SH3PXD2A: variants seen among roughly 807,000 people sequenced by gnomAD.
SH3PXD2A encodes the protein SH3 and PX domain-containing protein 2A.
Under a neutral mutation model 115.2 loss-of-function variants are expected in SH3PXD2A, and 32 were observed. The observed-to-expected ratio is 0.28, with a 90% CI of 0.21 to 0.37. The LOEUF (loss-of-function observed/expected upper bound fraction) is 0.37, where lower values mean the gene tolerates loss of function less well. SH3PXD2A is among the 10% of genes least tolerant of loss of function. The probability of loss-of-function intolerance (pLI) is 1.00; values close to 1 mark genes in which losing one functional copy is unlikely to be tolerated. For missense variants in SH3PXD2A, 1,328 were observed against 1,498.7 expected (o/e 0.89, Z 1.88); for synonymous variants, 610 against 629.1 (o/e 0.97, Z 0.45).
chr10:103,838,082 C>T (rs1442673342), intron 1 of SH3PXD2A, among the ~76,000 whole-genome samples: 1 of 152,200 alleles, frequency 6.6e-6, no homozygotes, highest in African/African-American at 2.4e-5. Flanking sequence ...GGACTCCTCA[C>T]AGAACTCAGC....
chr10:103,763,166 G>C (rs2038718396), intron 3 of SH3PXD2A, among the ~76,000 whole-genome samples: 1 of 152,156 alleles, frequency 6.6e-6, no homozygotes, highest in South Asian at 2.1e-4. Flanking sequence ...GGGCAAGCAT[G>C]TAACCAAGCC....
chr10:103,637,926 A>T (rs1164343320), intron 8 of SH3PXD2A, among the ~76,000 whole-genome samples: 3 of 152,160 alleles, frequency 2.0e-5, no homozygotes, highest in Admixed American at 6.5e-5. Flanking sequence ...GTGGAACCAG[A>T]GAAGCTGGAA....
At chr10:103,708,657 G>A (rs2038010648) in intron 5 of SH3PXD2A, among the ~76,000 whole-genome samples, 1 of 152,164 alleles carries the variant, frequency 6.6e-6, no homozygotes, top group Non-Finnish European at 1.5e-5. Context: ...CCTTACTGAT[G>A]CCTTCTAGTG....
intron 5 of SH3PXD2A, among the ~76,000 whole-genome samples, chr10:103,717,159 C>T (rs2134163610): frequency 1.3e-5 from 2 of 152,330 alleles, no homozygotes; most frequent in South Asian, 4.1e-4. Flanking sequence ...TCTCTGACCC[C>T]TGGCCCCCTG....
intron 5 of SH3PXD2A, chr10:103,693,489 T>A (rs1012365892): frequency 5.3e-5 from 8 of 150,258 alleles, no homozygotes; most frequent in Non-Finnish European, 1.2e-4. Context: ...CTCCCAATTC[T>A]TTGCATGGCT....
rs2038957628 is a variant in SH3PXD2A, at chr10:103,784,039, C to T, written c.154-16870G>A. Among the ~76,000 whole-genome samples the T allele has an allele frequency of 6.6e-6, 1 of 152,252 alleles. No individual in the cohort carries two copies. The highest frequency in any genetic ancestry group is 2.4e-5 in the African/African-American group (1 of 41,466). On this transcript the variant is annotated intron_variant, in intron 2 of 14. Transcript: ENST00000369774. The surrounding 1 kb of genome is among the most constrained non-coding windows in gnomAD (Gnocchi z 4.4). ...CTGTCTTCCAAGCCCACCCTGGTGC[C>T]CAGCTGCAGGCTACTTCTCCAGGTG...
intron 2 of SH3PXD2A, among the ~76,000 whole-genome samples, chr10:103,778,055 C>T (rs115798282): frequency 0.033 from 5,075 of 152,162 alleles, 253 homozygotes; most frequent in African/African-American, 0.11. Context: ...ATGGGCTGGG[C>T]GCAGTGACTC....
chr10:103,849,039 G>T (rs1842874041), intron 1 of SH3PXD2A, among the ~76,000 whole-genome samples: 2 of 149,198 alleles, frequency 1.3e-5, no homozygotes, highest in South Asian at 4.3e-4. Context: ...ACGGCAGCGA[G>T]TGGTGGGGCC....
chr10:103,811,426 T>A (rs1314154029), intron 1 of SH3PXD2A, among the ~76,000 whole-genome samples: 7 of 152,364 alleles, frequency 4.6e-5, no homozygotes, highest in East Asian at 1.9e-4. Context: ...TTGAATTATC[T>A]CACTTACTCT....
At chr10:103,635,387 C>T (rs1332456963) in intron 8 of SH3PXD2A, among the ~76,000 whole-genome samples, 7 of 152,220 alleles carry the variant, frequency 4.6e-5, no homozygotes. Flanking sequence ...CCCCTTAGTG[C>T]ACCCTTCAGC....
At chr10:103,641,010 T>G (rs1001700750) in intron 8 of SH3PXD2A, among the ~76,000 whole-genome samples, 1 of 152,090 alleles carries the variant, frequency 6.6e-6, no homozygotes, top group African/African-American at 2.4e-5. Flanking sequence ...TGTTGGATGT[T>G]TTAATCAACC....
intron 5 of SH3PXD2A, among the ~76,000 whole-genome samples, chr10:103,717,927 T>C (rs1028502672): frequency 6.6e-6 from 1 of 151,680 alleles, no homozygotes; most frequent in African/African-American, 2.4e-5. Flanking sequence ...CTCAGGACAC[T>C]GTGCCAGGAG....
intron 5 of SH3PXD2A, among the ~76,000 whole-genome samples, chr10:103,715,411 C>T (rs1033903152): frequency 4.6e-5 from 7 of 152,190 alleles, no homozygotes; most frequent in Non-Finnish European, 1.0e-4. Flanking sequence ...GATTAGCCTA[C>T]GCGGTCCCTG....
chr10:103,659,307 C>T (rs546965309), intron 8 of SH3PXD2A, among the ~76,000 whole-genome samples: 135 of 152,324 alleles, frequency 8.9e-4, no homozygotes, highest in African/African-American at 2.8e-3. Flanking sequence ...AAGGGTTAAA[C>T]GGCTATGGTG....
chr10:103,843,057 C>A (rs150224252), intron 1 of SH3PXD2A, among the ~76,000 whole-genome samples: 1 of 152,262 alleles, frequency 6.6e-6, no homozygotes, highest in Non-Finnish European at 1.5e-5. Context: ...AGGATGATAA[C>A]GCTGGTGATA....
intron 6 of SH3PXD2A, among the ~76,000 whole-genome samples, chr10:103,686,423 G>A (rs965718813): frequency 4.6e-5 from 7 of 152,228 alleles, no homozygotes; most frequent in African/African-American, 1.7e-4. Flanking sequence ...AACTGGGTGA[G>A]AGGCATGAGA....
At chr10:103,705,287 G>T (rs565538814) in intron 5 of SH3PXD2A, among the ~76,000 whole-genome samples, 12 of 152,326 alleles carry the variant, frequency 7.9e-5, no homozygotes, top group Admixed American at 5.9e-4. Flanking sequence ...TGGCAAACAG[G>T]GGGAGGGAAG....
chr10:103,791,260 A>G (rs1160673009), intron 2 of SH3PXD2A, among the ~76,000 whole-genome samples: 1 of 152,226 alleles, frequency 6.6e-6, no homozygotes, highest in Non-Finnish European at 1.5e-5. Flanking sequence ...TTTCTACTGC[A>G]CAAATGAGGG....
At chr10:103,617,722 G>A (rs1276661610) in intron 10 of SH3PXD2A, among the ~76,000 whole-genome samples, 3 of 152,162 alleles carry the variant, frequency 2.0e-5, no homozygotes, top group African/African-American at 7.2e-5. Context: ...AGGCCCCACG[G>A]CATACCGCTT....
Sources: allele counts gnomAD v4.1 joint callset (sites outside exome capture counted in the v4.1 genomes callset), GRCh38; gene constraint gnomAD v4.1.1; non-coding constraint Gnocchi (gnomAD v3.1); transcripts MANE v1.5; gene names NCBI Gene and HGNC (gene_info 2026-07-23, HGNC 2026-07-21).